The following TRANK1 variants were observed in gnomAD, a reference collection of about 807,000 sequenced individuals.
TRANK1 encodes tetratricopeptide repeat and ankyrin repeat containing 1.
In TRANK1, 198 loss-of-function variants were observed where a neutral mutation model predicts 266.0. The observed-to-expected ratio is 0.74, with a 90% CI of 0.66 to 0.84. The LOEUF (loss-of-function observed/expected upper bound fraction) is 0.84, where lower values mean the gene tolerates loss of function less well. Ranked by LOEUF, TRANK1 falls within the 40% of genes least tolerant of loss-of-function variation. TRANK1 has a pLI of 0.00. For synonymous variants in TRANK1, 1,396 were observed against 1,384.1 expected (o/e 1.01, Z -0.19); for missense variants, 3,326 against 3,634.6 (o/e 0.92, Z 2.18).
intron 8 of TRANK1, among the ~76,000 whole-genome samples, chr3:36,884,652 G>C (rs2079575894): frequency 6.6e-6 from 1 of 152,090 alleles, no homozygotes; most frequent in African/African-American, 2.4e-5. Context: ...CAAGCAATAG[G>C]CCAGGCGTAG....
chr3:36,850,684 C>A, intron 15 of TRANK1: 1 of 947,154 alleles, frequency 1.1e-6, no homozygotes. Context: ...TGGAGTGAGA[C>A]AATGACTTCA....
chr3:36,903,293 T>C lies in TRANK1; in HGVS notation c.156-18A>G. ...GGGGAACCCTGTAAGAACAAACCGG[T>C]GGTCTGTCATGGTTCTGCAAATACA... is the stretch of plus-strand genomic sequence containing the variant. On this transcript the variant is annotated intron_variant, in intron 2 of 23. Transcript: ENST00000645898. 6.5e-7 allele frequency: 1 copy of C among 1,535,000 alleles called. No homozygotes were observed. The highest frequency in any genetic ancestry group is 1.4e-5 in the African/African-American group (1 of 73,130).
chr3:36,926,019 C>T (rs755604721), intron 1 of TRANK1, among the ~76,000 whole-genome samples: 1 of 152,162 alleles, frequency 6.6e-6, no homozygotes, highest in African/African-American at 2.4e-5. Context: ...TATACAATTG[C>T]TATTTGCAAG....
intron 1 of TRANK1, among the ~76,000 whole-genome samples, chr3:36,915,612 G>A (rs1559471612): frequency 6.6e-6 from 1 of 152,100 alleles, no homozygotes; most frequent in East Asian, 1.9e-4. Flanking sequence ...GTGAAAGGAT[G>A]GCCACTATCC....
At chr3:36,879,807 T>A (rs1400017670) in intron 8 of TRANK1, among the ~76,000 whole-genome samples, 3 of 93,702 alleles carry the variant, frequency 3.2e-5, no homozygotes, top group Admixed American at 2.2e-4. Context: ...AATATACAAA[T>A]ATATGTAAAT....
chr3:36,886,903 G>GTTTT (rs1391851113), intron 8 of TRANK1, among the ~76,000 whole-genome samples: 1 of 125,920 alleles, frequency 7.9e-6, no homozygotes, highest in African/African-American at 3.1e-5. Flanking sequence ...TTTTTTGTTG[G>GTTTT]ATTTTTTTTT....
chr3:36,859,948 T>C (rs1003996716), intron 11 of TRANK1, among the ~76,000 whole-genome samples: 1 of 152,206 alleles, frequency 6.6e-6, no homozygotes, highest in Non-Finnish European at 1.5e-5. Context: ...CTTTGAGGGC[T>C]AAGGATCAAT....
chr3:36,834,174 T>C (rs572751610), intron 21 of TRANK1, among the ~76,000 whole-genome samples: 49 of 152,304 alleles, frequency 3.2e-4, no homozygotes, highest in Non-Finnish European at 6.6e-4. Context: ...ATAGTGGAGG[T>C]GTAACTCAAA....
chr3:36,872,934 G>A (rs1045690373), intron 9 of TRANK1, among the ~76,000 whole-genome samples: 1 of 152,082 alleles, frequency 6.6e-6, no homozygotes, highest in African/African-American at 2.4e-5. Context: ...TCTAGAGGGG[G>A]AAAAAATGAG....
At chr3:36,939,616 T>C (rs1315985382) in intron 1 of TRANK1, among the ~76,000 whole-genome samples, 2 of 152,116 alleles carry the variant, frequency 1.3e-5, no homozygotes, top group East Asian at 3.8e-4. Context: ...GGACTCCTTG[T>C]CTCCTCACAC....
rs1279607526 is a variant in TRANK1, at chr3:36,866,052, A to AAG, written c.1079-1573_1079-1572insCT. Among the ~76,000 whole-genome samples, 232 of 127,860 alleles carry AAG rather than the reference A, an allele frequency of 1.8e-3. 1 individual carries two copies. Among genetic ancestry groups the AAG allele is most frequent in the African/African-American group, 5.8e-3 (200 of 34,516 alleles). The allele number at this position is 127,860 out of a possible 152,430, so 83.9% of individuals were successfully genotyped here. On this transcript the variant is annotated intron_variant, in intron 9 of 23. Transcript: ENST00000645898. ...AGAGAGAGAGAGACAGACAGAAAGA[A>AAG]AAAGAAAGAAAGAAAGAAAGAAAGA...
At chr3:36,893,009 TG>T in intron 5 of TRANK1, 25 bp from the exon 6 acceptor site, 1 of 1,431,670 alleles carries the variant, frequency 7.0e-7, no homozygotes, top group Non-Finnish European at 9.3e-7. Context: ...CAGAAAAGGC[TG>T]GAATAATAAT....
At chr3:36,939,932 C>T (rs956278386) in intron 1 of TRANK1, among the ~76,000 whole-genome samples, 39 of 151,542 alleles carry the variant, frequency 2.6e-4, no homozygotes, top group Admixed American at 1.6e-3. Flanking sequence ...GCTTTGTAGC[C>T]CAGGCTTGAG....
At chr3:36,885,546 A>G (rs1425153231) in intron 8 of TRANK1, among the ~76,000 whole-genome samples, 1 of 152,144 alleles carries the variant, frequency 6.6e-6, no homozygotes, top group Non-Finnish European at 1.5e-5. Context: ...TCTGTATATT[A>G]TTTTTTAGAG....
intron 2 of TRANK1, among the ~76,000 whole-genome samples, chr3:36,905,248 G>A (rs563417013): frequency 6.7e-6 from 1 of 149,192 alleles, no homozygotes; most frequent in African/African-American, 2.5e-5. Context: ...CCGAGATCGT[G>A]CCGTTGCACT....
At chr3:36,844,850 C>G (rs1401072705) in intron 17 of TRANK1, among the ~76,000 whole-genome samples, 2 of 151,974 alleles carry the variant, frequency 1.3e-5, no homozygotes, top group Non-Finnish European at 2.9e-5. Flanking sequence ...CAGGACAAAC[C>G]TCTCTCCAGC....
intron 20 of TRANK1, among the ~76,000 whole-genome samples, chr3:36,836,188 T>G (rs373579783): frequency 6.6e-6 from 1 of 152,246 alleles, no homozygotes; most frequent in Admixed American, 6.5e-5. Context: ...GAAGGGACTG[T>G]ACTTAGTGAA....
At chr3:36,844,444 C>T (rs912765890) in intron 17 of TRANK1, among the ~76,000 whole-genome samples, 2 of 152,282 alleles carry the variant, frequency 1.3e-5, no homozygotes, top group South Asian at 2.1e-4. Context: ...TCAGGCTGGT[C>T]TTGAACTCCT....
At chr3:36,909,648 T>TTATTAA (rs770053539) in intron 1 of TRANK1, among the ~76,000 whole-genome samples, 12 of 152,160 alleles carry the variant, frequency 7.9e-5, no homozygotes, top group Non-Finnish European at 1.8e-4. Flanking sequence ...GAGACAGTAA[T>TTATTAA]TATTAATTTT....
Sources: gnomAD v4.1 joint callset for allele counts (sites outside exome capture counted in the v4.1 genomes callset) on GRCh38, gnomAD v4.1.1 for gene constraint, MANE v1.5 for transcripts, NCBI Gene and HGNC (gene_info 2026-07-23, HGNC 2026-07-21) for gene names.